MBOAT2: variants seen among roughly 807,000 people sequenced by gnomAD.
MBOAT2 encodes membrane bound glycerophospholipid O-acyltransferase 2.
MBOAT2 carries 28 observed loss-of-function variants against 63.4 expected under a neutral mutation model. The observed-to-expected ratio is 0.44, with a 90% confidence interval of 0.33 to 0.61. The LOEUF is 0.61. MBOAT2 is among the 20% of genes least tolerant of loss of function. The pLI is 0.03. For missense variants in MBOAT2, 470 were observed against 605.8 expected, an observed-to-expected ratio of 0.78 and a Z score of 2.35; for synonymous variants, 211 against 215.6, an observed-to-expected ratio of 0.98 and a Z score of 0.19.
intron 4 of MBOAT2, among the ~76,000 whole-genome samples, chr2:8,903,482 T>C (rs1402578093): frequency 2.0e-5 from 3 of 152,222 alleles, no homozygotes; most frequent in Non-Finnish European, 4.4e-5. Flanking sequence ...ATAGATTTTT[T>C]TTTTTGGTGG....
intron 2 of MBOAT2, among the ~76,000 whole-genome samples, chr2:8,952,954 T>C (rs1027698821): frequency 6.6e-6 from 1 of 152,210 alleles, no homozygotes; most frequent in Non-Finnish European, 1.5e-5. Context: ...AAGTGGAGCA[T>C]GTAGGTCATT....
At chr2:8,868,652 A>T in intron 8 of MBOAT2, 103 bp from the exon 9 acceptor site, 1 of 894,460 alleles carries the variant, frequency 1.1e-6, no homozygotes, top group East Asian at 2.6e-5. Flanking sequence ...CTTAAACAGT[A>T]AAAGTAGATT....
chr2:8,958,481 C>T lies in MBOAT2; in HGVS notation c.221+16G>A. The T allele has an allele frequency of 3.2e-6, 5 of 1,570,566 alleles. No homozygotes were observed. Among genetic ancestry groups the T allele is most frequent in the Non-Finnish European group, 4.3e-6 (5 of 1,162,824 alleles). Reference sequence around the variant, plus strand: ...CAAATAGTCTTCATTTTAAAAGGATCAAAATAATTACTTACCATCCAAAGC... The same window carrying T: ...CAAATAGTCTTCATTTTAAAAGGATTAAAATAATTACTTACCATCCAAAGC... On this transcript the variant is annotated intron_variant, in intron 2 of 12. Coordinates refer to ENST00000305997, the MANE Select transcript of MBOAT2 (RefSeq NM_138799.4).
chr2:8,924,278 T>C (rs1388837417), intron 3 of MBOAT2, among the ~76,000 whole-genome samples: 2 of 152,182 alleles, frequency 1.3e-5, no homozygotes, highest in African/African-American at 4.8e-5. Flanking sequence ...ATTTCACTGA[T>C]TAATAGCCTC....
chr2:8,967,499 T>A (rs1202721802), intron 1 of MBOAT2, among the ~76,000 whole-genome samples: 1 of 152,220 alleles, frequency 6.6e-6, no homozygotes, highest in Non-Finnish European at 1.5e-5. Context: ...ATCATAAAGA[T>A]GTTACTTTCT....
At chr2:8,897,638 ACTAACTATGGC>A (rs138119775) in intron 4 of MBOAT2, among the ~76,000 whole-genome samples, 3,989 of 152,174 alleles carry the variant, frequency 0.026, 185 homozygotes, top group African/African-American at 0.091. Flanking sequence ...TGGTTACATC[ACTAACTATGGC>A]ATAACCTGCC....
chr2:8,995,118 G>A (rs1304857016), intron 1 of MBOAT2, among the ~76,000 whole-genome samples: 1 of 152,160 alleles, frequency 6.6e-6, no homozygotes, highest in Non-Finnish European at 1.5e-5. Context: ...TCAAAGGTAA[G>A]CTCACAGTAA....
chr2:8,862,746 G>GA lies in MBOAT2; in HGVS notation c.1053-25dup. 1.3e-6 allele frequency: 2 copies of GA among 1,598,118 alleles called. No individual in the cohort carries two copies. Among genetic ancestry groups the GA allele is most frequent in the Non-Finnish European group, 1.7e-6 (2 of 1,174,404 alleles). ...CCCTAGAAACCATGAAAAACATGGA[G>GA]AGCCAAGTGGAGTGAGTGACCCGAG... On this transcript the variant is annotated intron_variant, in intron 10 of 12. Coordinates refer to ENST00000305997, the MANE Select transcript of MBOAT2 (RefSeq NM_138799.4). This position sits in a 1 kb window ranked among gnomAD's most constrained non-coding sequence, Gnocchi z 4.3.
intron 2 of MBOAT2, among the ~76,000 whole-genome samples, chr2:8,943,621 C>T (rs949807133): frequency 7.2e-5 from 11 of 152,320 alleles, no homozygotes; most frequent in African/African-American, 2.4e-4. Flanking sequence ...CAGGATCGTC[C>T]TGACAGAACA....
intron 3 of MBOAT2, among the ~76,000 whole-genome samples, chr2:8,927,662 T>C (rs1022566609): frequency 6.6e-6 from 1 of 151,956 alleles, no homozygotes; most frequent in Non-Finnish European, 1.5e-5. Flanking sequence ...GTAGAGCTGG[T>C]GTTCCAGGAA....
intron 1 of MBOAT2, among the ~76,000 whole-genome samples, chr2:8,969,113 G>A (rs1341279264): frequency 6.6e-6 from 1 of 152,126 alleles, no homozygotes; most frequent in Admixed American, 6.5e-5. Flanking sequence ...GTTAAGGGCA[G>A]CCAGAGAGAA....
Position 8,976,979 on chromosome 2 carries a change from A to G in MBOAT2, c.76-18337T>C, listed in dbSNP as rs563972794. On this transcript the variant is annotated intron_variant, in intron 1 of 12. Coordinates refer to ENST00000305997, the MANE Select transcript of MBOAT2 (RefSeq NM_138799.4). ...TGATTCTATTTAGATGAATTTCTAG[A>G]AAACCCAAACTAATCTATAGTGACA... Among the ~76,000 whole-genome samples, 7 of 152,292 alleles carry G rather than the reference A, an allele frequency of 4.6e-5. No homozygotes were observed. In the East Asian group the frequency reaches 1.4e-3, roughly 29 times the overall value.
chr2:8,954,518 T>C (rs912943074), intron 2 of MBOAT2, among the ~76,000 whole-genome samples: 2 of 151,456 alleles, frequency 1.3e-5, no homozygotes, highest in African/African-American at 4.9e-5. Flanking sequence ...AATGCAGGAT[T>C]GTGCCTAGGC....
chr2:8,922,596 T>C (rs1352488671), intron 3 of MBOAT2, among the ~76,000 whole-genome samples: 1 of 152,226 alleles, frequency 6.6e-6, no homozygotes, highest in African/African-American at 2.4e-5. Context: ...CTCCAGAGGT[T>C]GTCCCCGTGT....
intron 1 of MBOAT2, among the ~76,000 whole-genome samples, chr2:8,987,170 T>C (rs1353607779): frequency 6.6e-6 from 1 of 152,230 alleles, no homozygotes; most frequent in African/African-American, 2.4e-5. Context: ...ATGTGGAAAC[T>C]AGCTGTACTA....
At chr2:8,925,056 A>G (rs1283234535) in intron 3 of MBOAT2, among the ~76,000 whole-genome samples, 1 of 152,196 alleles carries the variant, frequency 6.6e-6, no homozygotes, top group Non-Finnish European at 1.5e-5. Flanking sequence ...CAACTGAGAA[A>G]GATGATCATC....
intron 3 of MBOAT2, among the ~76,000 whole-genome samples, chr2:8,920,372 A>G (rs914943167): frequency 9.9e-5 from 15 of 152,158 alleles, no homozygotes; most frequent in African/African-American, 3.6e-4. Context: ...TGAACTCTCA[A>G]TTTTGTTGCA....
intron 10 of MBOAT2, among the ~76,000 whole-genome samples, chr2:8,863,949 T>C (rs1022115003): frequency 6.6e-5 from 10 of 152,146 alleles, no homozygotes; most frequent in South Asian, 2.1e-4. Context: ...GAGGGCAGGA[T>C]AGCTGCACCT....
At chr2:8,883,274 C>T (rs1042792212) in intron 5 of MBOAT2, among the ~76,000 whole-genome samples, 1 of 151,942 alleles carries the variant, frequency 6.6e-6, no homozygotes, top group Non-Finnish European at 1.5e-5. Context: ...ATAGACAAAA[C>T]TAAAAACATG....
Sources: allele counts gnomAD v4.1 joint callset (sites outside exome capture counted in the v4.1 genomes callset), GRCh38; gene constraint gnomAD v4.1.1; non-coding constraint Gnocchi (gnomAD v3.1); transcripts MANE v1.5; gene names NCBI Gene and HGNC (gene_info 2026-07-23, HGNC 2026-07-21).